MOGAT2: variants seen among roughly 807,000 people sequenced by gnomAD.
MOGAT2 encodes the protein 2-acylglycerol O-acyltransferase 2.
MOGAT2 carries 27 observed loss-of-function variants against 31.5 expected under a neutral mutation model. The ratio of observed to expected loss-of-function variants is 0.86; its 90% CI spans 0.63 to 1.18. MOGAT2 has a LOEUF of 1.18. Ranked by LOEUF, MOGAT2 falls within the 50% of genes most tolerant of loss-of-function variation. MOGAT2 has a pLI of 0.00. For missense variants in MOGAT2, 436 were observed against 433.2 expected (o/e 1.01, Z -0.06); for synonymous variants, 163 against 170.0 (o/e 0.96, Z 0.32).
intron 5 of MOGAT2, among the ~76,000 whole-genome samples, chr11:75,730,046 C>T (rs1292643440): frequency 6.6e-6 from 1 of 152,118 alleles, no homozygotes; most frequent in Non-Finnish European, 1.5e-5. Flanking sequence ...CGCCTGGCCT[C>T]CGACAGACTT....
intron 5 of MOGAT2, among the ~76,000 whole-genome samples, chr11:75,729,740 C>CTTTTTTTTTTTTTTTTTTTTTTTTTTTTT (rs543037592): frequency 8.2e-6 from 1 of 121,402 alleles, no homozygotes. Flanking sequence ...GGGTTTAATT[C>CTTTTTTTTTTTTTTTTTTTTTTTTTTTTT]TTTTTTTTTT....
chr11:75,722,829 T>C (rs1944387087), intron 2 of MOGAT2, among the ~76,000 whole-genome samples: 1 of 152,246 alleles, frequency 6.6e-6, no homozygotes, highest in African/African-American at 2.4e-5. Flanking sequence ...TCAACGTCCG[T>C]CCTTCCTGCT....
chr11:75,730,755 A>G (rs1017656665), intron 5 of MOGAT2, among the ~76,000 whole-genome samples: 4 of 151,956 alleles, frequency 2.6e-5, no homozygotes, highest in African/African-American at 9.7e-5. Context: ...CTAAAAATAC[A>G]AAAATTAGCT....
Position 75,731,519 on chromosome 11 carries a change from G to T in MOGAT2, c.*233G>T. The T allele has an allele frequency of 2.1e-6, 1 of 467,074 alleles. No individual in the cohort carries two copies. Among genetic ancestry groups the T allele is most frequent in the Non-Finnish European group, 3.6e-6 (1 of 280,300 alleles). The allele number at this position is 467,074 out of a possible 1,614,324, so 28.9% of individuals were successfully genotyped here. A position where few individuals can be genotyped will look rare whatever the true frequency, so the allele number is the denominator to read the frequency against. On this transcript the variant is annotated 3_prime_UTR_variant, in exon 6 of 6. Transcript: ENST00000198801. ...AGGGGCTGGGCCTCTCTTTGCACAT[G>T]GACACTGGGCCCCTCTCTATATTGA...
chr11:75,729,959 G>A (rs1944460545), intron 5 of MOGAT2, among the ~76,000 whole-genome samples: 2 of 151,824 alleles, frequency 1.3e-5, no homozygotes, highest in Admixed American at 6.6e-5. Flanking sequence ...TGGCCAGGCT[G>A]GTCTCGAACT....
chr11:75,730,559 C>T (rs577579138), intron 5 of MOGAT2, among the ~76,000 whole-genome samples: 2 of 152,224 alleles, frequency 1.3e-5, no homozygotes, highest in South Asian at 2.1e-4. Context: ...TTTTTATACC[C>T]ATAGGATAAA....
At chr11:75,729,663 G>A (rs2135737632) in intron 5 of MOGAT2, among the ~76,000 whole-genome samples, 1 of 150,152 alleles carries the variant, frequency 6.7e-6, no homozygotes, top group Non-Finnish European at 1.5e-5. Context: ...ATATCACACT[G>A]TTTTTGAATA....
chr11:75,717,886 A>G lies in MOGAT2; in HGVS notation c.-3A>G, dbSNP rs756176511. On this transcript the variant is annotated 5_prime_UTR_variant, in exon 1 of 6. Coordinates refer to ENST00000198801, the MANE Select transcript of MOGAT2 (RefSeq NM_025098.4). ...CCTGCGGGAGCCAGGCTGACCCGCCAGCATGGTAGAGTTCGCGCCCTTGTT... is the reference window on the plus strand; with the variant it reads ...CCTGCGGGAGCCAGGCTGACCCGCCGGCATGGTAGAGTTCGCGCCCTTGTT... 1 of 1,613,962 alleles carries G rather than the reference A, an allele frequency of 6.2e-7. No homozygotes were observed. The highest frequency in any genetic ancestry group is 8.5e-7 in the Non-Finnish European group (1 of 1,179,984).
At chr11:75,727,388 C>T in intron 2 of MOGAT2, 47 bp from the exon 3 acceptor site, 1 of 1,575,078 alleles carries the variant, frequency 6.3e-7, no homozygotes, top group East Asian at 2.3e-5. Flanking sequence ...AGAGTCAGGG[C>T]TGGTACACAG....
chr11:75,719,984 C>T lies in MOGAT2; in HGVS notation c.92-8C>T, dbSNP rs745880458. On this transcript the variant is annotated splice_polypyrimidine_tract_variant and splice_region_variant and intron_variant, in intron 1 of 5. Coordinates refer to ENST00000198801, the MANE Select transcript of MOGAT2 (RefSeq NM_025098.4). ...CCTGTCCCTGACAGCTCCTTCTTCC[C>T]TCCCCAGCCGAGATCTGCACTGTGG... 4 of 1,566,408 alleles carry T rather than the reference C, an allele frequency of 2.6e-6. No individual in the cohort carries two copies. In the South Asian group the frequency reaches 3.4e-5, roughly 13 times the overall value.
chr11:75,727,351 T>A, intron 2 of MOGAT2, 84 bp from the exon 3 acceptor site: 1 of 1,343,282 alleles, frequency 7.4e-7, no homozygotes, highest in Non-Finnish European at 1.0e-6. Flanking sequence ...AGAGGGGAGG[T>A]TTCCCAAGGT....
At chr11:75,727,316 CAT>C in intron 2 of MOGAT2, 117 bp from the exon 3 acceptor site, 3 of 836,856 alleles carry the variant, frequency 3.6e-6, no homozygotes, top group South Asian at 1.7e-5. Flanking sequence ...GGTGGTCAGA[CAT>C]ATGGATGAAG....
intron 2 of MOGAT2, among the ~76,000 whole-genome samples, chr11:75,725,581 T>TAAATAAA (rs1555053267): frequency 6.7e-6 from 1 of 149,930 alleles, no homozygotes; most frequent in African/African-American, 2.5e-5. Context: ...AATAAATAAA[T>TAAATAAA]TGCAGAGGCC....
At chr11:75,727,039 C>T (rs1565300902) in intron 2 of MOGAT2, among the ~76,000 whole-genome samples, 1 of 152,156 alleles carries the variant, frequency 6.6e-6, no homozygotes. Context: ...GCGGTGCCTC[C>T]ATGTGGCCTT....
chr11:75,723,523 G>A (rs1944395472), intron 2 of MOGAT2, among the ~76,000 whole-genome samples: 1 of 147,864 alleles, frequency 6.8e-6, no homozygotes, highest in Non-Finnish European at 1.5e-5. Flanking sequence ...CCTCATTCCT[G>A]GGCTCAAGCA....
chr11:75,731,840 C>T lies in MOGAT2; in HGVS notation c.*554C>T, dbSNP rs1211884360. On this transcript the variant is annotated 3_prime_UTR_variant, in exon 6 of 6. Coordinates refer to ENST00000198801, the MANE Select transcript of MOGAT2 (RefSeq NM_025098.4). ...AAGCCTGAAGCACAAGCACTCTCCACCCCAGGCACACACACCCTGGAATTC... is the reference window on the plus strand; with the variant it reads ...AAGCCTGAAGCACAAGCACTCTCCATCCCAGGCACACACACCCTGGAATTC... 6.6e-6 allele frequency: 1 copy of T among 152,574 alleles called. No individual in the cohort carries two copies. The allele number at this position is 152,574 out of a possible 1,614,324, so 9.5% of individuals were successfully genotyped here. A position where few individuals can be genotyped will look rare whatever the true frequency, so the allele number is the denominator to read the frequency against.
chr11:75,728,296 C>A, intron 4 of MOGAT2, 152 bp downstream of exon 4: 1 of 922,928 alleles, frequency 1.1e-6, no homozygotes, highest in Non-Finnish European at 1.7e-6. Context: ...GTGTCTTATG[C>A]CCAAATACCT....
intron 4 of MOGAT2, chr11:75,728,379 C>CA (rs1944441730): frequency 1.5e-6 from 1 of 662,734 alleles, no homozygotes; most frequent in Non-Finnish European, 2.7e-6. Flanking sequence ...ACAAAGCTGG[C>CA]ATTTGATCTG....
chr11:75,720,270 A>C, intron 2 of MOGAT2, 100 bp downstream of exon 2: 2 of 1,340,788 alleles, frequency 1.5e-6, no homozygotes, highest in African/African-American at 2.9e-5. Flanking sequence ...CCCTGCATGC[A>C]CTGAGGAGGG....
Sources: allele counts gnomAD v4.1 joint callset (sites outside exome capture counted in the v4.1 genomes callset), GRCh38; gene constraint gnomAD v4.1.1; transcripts MANE v1.5; gene names NCBI Gene and HGNC (gene_info 2026-07-23, HGNC 2026-07-21).